The following MAP1B variants were observed in gnomAD, a reference collection of about 807,000 sequenced individuals.
MAP1B encodes the protein microtubule associated protein 1B.
Under a neutral mutation model 176.1 loss-of-function variants are expected in MAP1B, and 12 were observed. That is an observed-to-expected ratio of 0.07 (90% CI 0.04 to 0.11). The LOEUF is 0.11. Among genes scored for constraint, MAP1B ranks in the 10% least tolerant of loss-of-function variants. MAP1B has a pLI of 1.00. For missense variants in MAP1B, 2,523 were observed against 2,990.5 expected (o/e 0.84, Z 3.65); for synonymous variants, 1,044 against 1,135.0 (o/e 0.92, Z 1.61).
chr5:72,115,119 A>G (rs992729235), intron 1 of MAP1B, among the ~76,000 whole-genome samples: 1 of 152,194 alleles, frequency 6.6e-6, no homozygotes, highest in African/African-American at 2.4e-5. Flanking sequence ...TTTATCAAAG[A>G]TCACATAAAT....
Position 72,183,842 on chromosome 5 carries a change from G to A in MAP1B, c.369+17G>A, listed in dbSNP as rs1214878253. ...AGCACCGAGGTAAGCATTCAGCTCT[G>A]TAGAATCTGGGGCCGGGCCCCACAC... On this transcript the variant is annotated intron_variant, in intron 3 of 6. Coordinates refer to ENST00000296755, the MANE Select transcript of MAP1B (RefSeq NM_005909.5). 1 of 1,611,540 alleles carries A rather than the reference G, an allele frequency of 6.2e-7. No individual in the cohort carries two copies. Among genetic ancestry groups the A allele is most frequent in the South Asian group, 1.1e-5 (1 of 90,886 alleles).
At chr5:72,143,932 C>T (rs1561297196) in intron 2 of MAP1B, among the ~76,000 whole-genome samples, 1 of 152,204 alleles carries the variant, frequency 6.6e-6, no homozygotes, top group East Asian at 1.9e-4. Flanking sequence ...CAATACTTGG[C>T]GTACTTGGCT....
At chr5:72,166,755 G>A (rs1234472166) in intron 2 of MAP1B, among the ~76,000 whole-genome samples, 4 of 152,164 alleles carry the variant, frequency 2.6e-5, no homozygotes, top group African/African-American at 9.7e-5. Context: ...TAGCTGGCTG[G>A]GTTCCAGAGT....
chr5:72,198,255 C>T lies in MAP1B; in HGVS notation c.4900C>T (p.Pro1634Ser), dbSNP rs2112240967. The change falls in exon 5 of 7, where the codon CCC (proline) becomes TCC (serine). Residue 1634 changes from proline (P) to serine (S), a missense_variant. By Grantham distance (74) the Pro-to-Ser change is moderately conservative (BLOSUM62 -1). Coordinates refer to ENST00000296755, the MANE Select transcript of MAP1B (RefSeq NM_005909.5). ...FSPKTAKSRT[P>S]VQDHRSEQSS... is the part of the protein sequence containing the mutation. ...CCCTAAAACTGCAAAGTCCAGGACACCCGTTCAAGATCACAGATCTGAACA... is the reference window on the plus strand; with the variant it reads ...CCCTAAAACTGCAAAGTCCAGGACATCCGTTCAAGATCACAGATCTGAACA... 1 of 1,614,172 alleles carries T rather than the reference C, an allele frequency of 6.2e-7. No homozygotes were observed. The highest frequency in any genetic ancestry group is 1.7e-5 in the Admixed American group (1 of 60,024).
Position 72,199,235 on chromosome 5 carries a change from T to G in MAP1B, c.5880T>G (p.Ser1960Arg), listed in dbSNP as rs1334459425. The change falls in exon 5 of 7, where the codon AGT (serine) becomes AGG (arginine). Residue 1960 changes from serine (S) to arginine (R), a missense_variant. This residue lies in a region of MAP1B where 1,925 missense variants were observed against 2,126.0 expected (regional missense o/e 0.91). Transcript: ENST00000296755. The surrounding 1 kb of genome is among the most constrained non-coding windows in gnomAD (Gnocchi z 4.2). ...AGGGTGGGTACTCATATGACATAAG[T>G]GAAAAGACCACCAGCCCCCCCGAAG... Reference protein sequence around the residue: ...PEEGGYSYDISEKTTSPPEVS... With the variant: ...PEEGGYSYDIREKTTSPPEVS... The G allele has an allele frequency of 1.2e-6, 2 of 1,613,792 alleles. No individual in the cohort carries two copies. The highest frequency in any genetic ancestry group is 1.7e-6 in the Non-Finnish European group (2 of 1,179,964).
chr5:72,203,896 A>G, intron 6 of MAP1B, 95 bp downstream of exon 6: 1 of 1,137,680 alleles, frequency 8.8e-7, no homozygotes, highest in Non-Finnish European at 1.3e-6. Context: ...CATGTGGCTG[A>G]TCGTGGATCC....
chr5:72,109,431 T>A (rs1346550833), intron 1 of MAP1B, among the ~76,000 whole-genome samples: 1 of 152,254 alleles, frequency 6.6e-6, no homozygotes, highest in East Asian at 1.9e-4. Flanking sequence ...GGAAAAATTT[T>A]ACACATACTG....
intron 5 of MAP1B, among the ~76,000 whole-genome samples, chr5:72,202,717 A>G (rs944692854): frequency 1.3e-5 from 2 of 152,228 alleles, no homozygotes; most frequent in Non-Finnish European, 2.9e-5. Flanking sequence ...GATTCTGATT[A>G]TATAGTCAGG....
At chr5:72,148,814 G>A (rs1410793862) in intron 2 of MAP1B, among the ~76,000 whole-genome samples, 2 of 152,260 alleles carry the variant, frequency 1.3e-5, no homozygotes, top group Non-Finnish European at 2.9e-5. Flanking sequence ...ACACTGTGGT[G>A]TGCTCAGGGA....
At position 72,195,179 on chromosome 5, in the gene MAP1B, C is replaced by A. The variant is rs752228235; in HGVS notation, c.1824C>A (p.Pro608=). The A allele has an allele frequency of 2.5e-6, 4 of 1,613,642 alleles. No homozygotes were observed. Among genetic ancestry groups the A allele is most frequent in the Non-Finnish European group, 3.4e-6 (4 of 1,179,974 alleles). Residue 608 remains proline, a synonymous_variant, in exon 5 of 7, where the codon CCC becomes CCA. Transcript: ENST00000296755. ...CTTCAGTGACTGAAAAGGAGGTTCC[C>A]AGCAAAGAAGAGCCATCTCCAGTGA... The part of the protein sequence containing the change: ...TKPSVTEKEV[P]SKEEPSPVKA...
intron 2 of MAP1B, among the ~76,000 whole-genome samples, chr5:72,155,477 C>G (rs1300831361): frequency 2.6e-5 from 4 of 152,186 alleles, no homozygotes; most frequent in Admixed American, 6.5e-5. Context: ...GAATATGTGA[C>G]AGATTAAATG....
Position 72,194,915 on chromosome 5 carries a change from T to A in MAP1B, c.1560T>A (p.Asp520Glu), listed in dbSNP as rs1325782094. The part of the protein sequence containing the change: ...FLKQPLATQK[D>E]LTGQVPTPVV... ...AGCAGCCACTGGCCACCCAAAAGGATCTCACTGGCCAGGTGCCCACTCCTG... is the reference window on the plus strand; with the variant it reads ...AGCAGCCACTGGCCACCCAAAAGGAACTCACTGGCCAGGTGCCCACTCCTG... Residue 520 changes from aspartate to glutamate, a missense_variant, in exon 5 of 7, where the codon GAT (aspartate) becomes GAA (glutamate). This residue lies in a region of MAP1B where 1,925 missense variants were observed against 2,126.0 expected (regional missense o/e 0.91). Coordinates refer to ENST00000296755, the MANE Select transcript of MAP1B (RefSeq NM_005909.5). The surrounding 1 kb of genome is among the most constrained non-coding windows in gnomAD (Gnocchi z 7.2). 1 of 1,614,096 alleles carries A rather than the reference T, an allele frequency of 6.2e-7. No individual in the cohort carries two copies. The highest frequency in any genetic ancestry group is 1.1e-5 in the South Asian group (1 of 91,080).
At chr5:72,165,693 AC>A (rs34015608) in intron 2 of MAP1B, among the ~76,000 whole-genome samples, 1 of 152,178 alleles carries the variant, frequency 6.6e-6, no homozygotes, top group Non-Finnish European at 1.5e-5. Flanking sequence ...CTATATCACT[AC>A]CCTAGATGAA....
At chr5:72,193,730 T>C in intron 4 of MAP1B, 136 bp from the exon 5 acceptor site, 2 of 955,800 alleles carry the variant, frequency 2.1e-6, no homozygotes, top group Admixed American at 3.0e-5. Flanking sequence ...CCAACATCAC[T>C]ATGAGAGTGC....
At position 72,186,497 on chromosome 5, in the gene MAP1B, G is replaced by A; in HGVS notation, c.370-117G>A. On this transcript the variant is annotated intron_variant, in intron 3 of 6. Coordinates refer to ENST00000296755, the MANE Select transcript of MAP1B (RefSeq NM_005909.5). This position sits in a 1 kb window ranked among gnomAD's most constrained non-coding sequence, Gnocchi z 4.3. ...CTCCAGGAGAAATTAGACCTTTGGGGAATGAATGCTTTTTGCTGGTAATAA... is the reference window on the plus strand; with the variant it reads ...CTCCAGGAGAAATTAGACCTTTGGGAAATGAATGCTTTTTGCTGGTAATAA... 1 of 1,278,446 alleles carries A rather than the reference G, an allele frequency of 7.8e-7. No homozygotes were observed. The highest frequency in any genetic ancestry group is 1.1e-6 in the Non-Finnish European group (1 of 919,534). The allele number at this position is 1,278,446 out of a possible 1,614,324, so 79.2% of individuals were successfully genotyped here.
At chr5:72,123,706 G>A (rs1382315899) in intron 2 of MAP1B, among the ~76,000 whole-genome samples, 5 of 152,146 alleles carry the variant, frequency 3.3e-5, no homozygotes, top group East Asian at 3.9e-4. Flanking sequence ...GGATGGTCTC[G>A]ATCTCCTGAC....
At chr5:72,137,826 T>A (rs1398118327) in intron 2 of MAP1B, among the ~76,000 whole-genome samples, 1 of 152,212 alleles carries the variant, frequency 6.6e-6, no homozygotes, top group Non-Finnish European at 1.5e-5. Context: ...GATCAAAGGA[T>A]CTTGGTCATA....
chr5:72,148,559 AG>A (rs60459246), intron 2 of MAP1B, among the ~76,000 whole-genome samples: 10,349 of 152,300 alleles, frequency 0.068, 410 homozygotes, highest in Middle Eastern at 0.095. Context: ...CTTCCAGGGT[AG>A]GACCTGGGAA....
intron 1 of MAP1B, among the ~76,000 whole-genome samples, chr5:72,108,684 C>A (rs977070877): frequency 6.6e-6 from 1 of 151,852 alleles, no homozygotes; most frequent in Non-Finnish European, 1.5e-5. Flanking sequence ...GCCACACCTG[C>A]CCCCCCACAC....
Sources: gnomAD v4.1 joint callset for allele counts (sites outside exome capture counted in the v4.1 genomes callset) on GRCh38, gnomAD v4.1.1 for gene constraint, gnomAD v4.1.1 regional missense constraint, Gnocchi (gnomAD v3.1) non-coding constraint, MANE v1.5 for transcripts, NCBI Gene and HGNC (gene_info 2026-07-23, HGNC 2026-07-21) for gene names.